The following SH3BGRL variants were observed in gnomAD, a reference collection of about 807,000 sequenced individuals.
SH3BGRL encodes the protein SH3 domain binding glutamate rich protein like, also known as adapter SH3BGRL.
In SH3BGRL, 7 loss-of-function variants were observed where a neutral mutation model predicts 9.8. That is an observed-to-expected ratio of 0.72 (90% CI 0.41 to 1.35). The LOEUF (loss-of-function observed/expected upper bound fraction) is 1.35, where lower values mean the gene tolerates loss of function less well. SH3BGRL is among the 40% of genes most tolerant of loss of function. SH3BGRL has a pLI of 0.01. For synonymous variants in SH3BGRL, 36 were observed against 29.1 expected (o/e 1.24, Z -0.76); for missense variants, 73 against 84.4 (o/e 0.86, Z 0.53).
intron 1 of SH3BGRL, among the ~76,000 whole-genome samples, chrX:81,245,541 C>T (rs2075685808): frequency 8.9e-6 from 1 of 112,090 alleles, no homozygotes; most frequent in Admixed American, 9.5e-5. Context: ...AAGAGAAGTA[C>T]ATTGCATTAA....
At chrX:81,237,369 G>T in intron 1 of SH3BGRL, 1 of 295,011 alleles carries the variant, frequency 3.4e-6, no homozygotes, top group South Asian at 3.2e-5. Flanking sequence ...CACCAGTGTC[G>T]CCCATAACTC....
intron 1 of SH3BGRL, among the ~76,000 whole-genome samples, chrX:81,239,683 C>T (rs1407894482): frequency 7.2e-5 from 8 of 111,659 alleles, no homozygotes; most frequent in African/African-American, 9.8e-5. Context: ...TGTAGAACAC[C>T]GAGCAGATTT....
chrX:81,221,789 A>C (rs2075600761), intron 1 of SH3BGRL, among the ~76,000 whole-genome samples: 1 of 112,252 alleles, frequency 8.9e-6, no homozygotes, highest in African/African-American at 3.2e-5. Context: ...ATGCAGTAAA[A>C]CATTACTCTT....
chrX:81,252,418 A>C (rs1011257794), intron 1 of SH3BGRL, among the ~76,000 whole-genome samples: 2 of 112,126 alleles, frequency 1.8e-5, no homozygotes, highest in East Asian at 5.6e-4. Flanking sequence ...TTTAGAATAA[A>C]TCATTCCAGT....
intron 3 of SH3BGRL, among the ~76,000 whole-genome samples, chrX:81,290,438 G>T (rs940689296): frequency 7.2e-5 from 8 of 111,482 alleles, no homozygotes; most frequent in African/African-American, 2.6e-4. Flanking sequence ...AAAATGGAGG[G>T]AACTGGAGAT....
In SH3BGRL at chrX:81,209,401, A is replaced by C. The variant is rs1282046430; in HGVS notation, c.45+7156A>C. ...CCCAGGGCTTTACCTACATTATTTT[A>C]CTTAATTTATCTTTACAATAATATT... On this transcript the variant is annotated intron_variant, in intron 1 of 3. Coordinates refer to ENST00000373212, the MANE Select transcript of SH3BGRL (RefSeq NM_003022.3). Among the ~76,000 whole-genome samples, 4 of 111,635 alleles carry C rather than the reference A, an allele frequency of 3.6e-5. No homozygotes were observed. In the East Asian group the frequency reaches 1.1e-3, roughly 31 times the overall value.
At chrX:81,288,014 A>T (rs1223363956) in intron 3 of SH3BGRL, among the ~76,000 whole-genome samples, 1 of 111,180 alleles carries the variant, frequency 9.0e-6, no homozygotes, top group Non-Finnish European at 1.9e-5. Flanking sequence ...AATATCTCTG[A>T]TGAATACTGA....
At chrX:81,227,544 AGCCTAAAGGAAATCAGTT>A (rs1359051642) in intron 1 of SH3BGRL, among the ~76,000 whole-genome samples, 1 of 111,342 alleles carries the variant, frequency 9.0e-6, no homozygotes, top group African/African-American at 3.3e-5. Context: ...ACTGCTTCCT[AGCCTAAAGGAAATCAGTT>A]GCCTAAAGGA....
At position 81,298,108 on chromosome X, in the gene SH3BGRL, A is replaced by T. The variant is rs779652978; in HGVS notation, c.*881A>T. ...TTGAGTTTTTGCTAAAACAAATCTT[A>T]GTAGTTTTGCCCGTTTAAAACAACT... On this transcript the variant is annotated 3_prime_UTR_variant, in exon 4 of 4. Coordinates refer to ENST00000373212, the MANE Select transcript of SH3BGRL (RefSeq NM_003022.3). The T allele has an allele frequency of 8.9e-6, 1 of 112,025 alleles. No homozygotes were observed. Among genetic ancestry groups the T allele is most frequent in the South Asian group, 3.6e-4 (1 of 2,745 alleles). The allele number at this position is 112,025 out of a possible 1,213,427, so 9.2% of individuals were successfully genotyped here.
intron 1 of SH3BGRL, among the ~76,000 whole-genome samples, chrX:81,215,786 A>G (rs2075579557): frequency 9.0e-6 from 1 of 111,314 alleles, no homozygotes; most frequent in South Asian, 3.7e-4. Flanking sequence ...CTGTTACCCA[A>G]TTTTCTTGCC....
At chrX:81,296,900 C>A (rs1395231874) in intron 3 of SH3BGRL, among the ~76,000 whole-genome samples, 1 of 111,082 alleles carries the variant, frequency 9.0e-6, no homozygotes, top group Non-Finnish European at 1.9e-5. Flanking sequence ...GAAAAAAAAT[C>A]ACACAAAAAG....
chrX:81,268,724 CT>C (rs753292870), intron 1 of SH3BGRL, among the ~76,000 whole-genome samples: 6 of 111,555 alleles, frequency 5.4e-5, no homozygotes, highest in Non-Finnish European at 9.4e-5. Flanking sequence ...CTGTAGATGT[CT>C]ATTAGGTCTG....
intron 1 of SH3BGRL, among the ~76,000 whole-genome samples, chrX:81,239,356 A>C (rs1318052290): frequency 8.9e-6 from 1 of 112,451 alleles, no homozygotes; most frequent in Non-Finnish European, 1.9e-5. Flanking sequence ...AAACAAACAG[A>C]AATTCTGGAG....
At chrX:81,219,155 A>G (rs1417653462) in intron 1 of SH3BGRL, among the ~76,000 whole-genome samples, 3 of 110,470 alleles carry the variant, frequency 2.7e-5, no homozygotes, top group Admixed American at 9.7e-5. Context: ...ACCTAGGCAC[A>G]TGGTCATCAG....
chrX:81,256,205 C>T (rs2075724950), intron 1 of SH3BGRL, among the ~76,000 whole-genome samples: 2 of 112,051 alleles, frequency 1.8e-5, no homozygotes, highest in South Asian at 7.4e-4. Flanking sequence ...TATTTAACTT[C>T]AGAACGTTTT....
At chrX:81,261,325 A>G (rs1399205523) in intron 1 of SH3BGRL, among the ~76,000 whole-genome samples, 2 of 111,540 alleles carry the variant, frequency 1.8e-5, no homozygotes, top group Non-Finnish European at 3.8e-5. Context: ...ATGAAATAAT[A>G]TATGCAAAGT....
chrX:81,253,266 G>C (rs1397917547), intron 1 of SH3BGRL, among the ~76,000 whole-genome samples: 2 of 112,568 alleles, frequency 1.8e-5, no homozygotes, highest in Non-Finnish European at 3.8e-5. Context: ...CTTAACAAGA[G>C]AGTGATGAAG....
At chrX:81,260,331 C>T (rs1353264597) in intron 1 of SH3BGRL, among the ~76,000 whole-genome samples, 1 of 111,060 alleles carries the variant, frequency 9.0e-6, no homozygotes, top group Non-Finnish European at 1.9e-5. Flanking sequence ...TCCATCTGAG[C>T]ATTTGTCTCT....
intron 1 of SH3BGRL, among the ~76,000 whole-genome samples, chrX:81,248,533 A>G (rs756290341): frequency 1.8e-3 from 200 of 112,110 alleles, no homozygotes; most frequent in Non-Finnish European, 3.2e-3. Context: ...GGCAGAGCAC[A>G]ATTCCAGTTC....
Sources: gnomAD v4.1 joint callset for allele counts (sites outside exome capture counted in the v4.1 genomes callset) on GRCh38, gnomAD v4.1.1 for gene constraint, MANE v1.5 for transcripts, NCBI Gene and HGNC (gene_info 2026-07-23, HGNC 2026-07-21) for gene names.